AASS: variants seen among roughly 807,000 people sequenced by gnomAD.
The protein encoded by AASS is alpha-aminoadipic semialdehyde synthase, mitochondrial.
Under a neutral mutation model 105.4 loss-of-function variants are expected in AASS, and 86 were observed. The ratio of observed to expected loss-of-function variants is 0.82; its 90% confidence interval spans 0.69 to 0.98. The LOEUF (loss-of-function observed/expected upper bound fraction) is 0.98. AASS is among the 50% of genes least tolerant of loss of function. AASS has a pLI of 0.00. For synonymous variants in AASS, 381 were observed against 394.8 expected (o/e 0.96, Z 0.41); for missense variants, 1,048 against 1,143.2 (o/e 0.92, Z 1.20).
chr7:122,112,895 G>A (rs1417476359), intron 11 of AASS, among the ~76,000 whole-genome samples: 2 of 152,168 alleles, frequency 1.3e-5, no homozygotes, highest in Admixed American at 6.5e-5. Flanking sequence ...GGAAAGAGAT[G>A]TAATTGTAAT....
In AASS at chr7:122,108,362, C is replaced by T. The variant is rs567327525; in HGVS notation, c.1278+4756G>A. Reference sequence around the variant, plus strand: ...TTGTGATACCAAAATCAGACAAGGACGTAACAAAAAAAGTAAACTTCAGGC... The same window carrying T: ...TTGTGATACCAAAATCAGACAAGGATGTAACAAAAAAAGTAAACTTCAGGC... On this transcript the variant is annotated intron_variant, in intron 11 of 23. Coordinates refer to ENST00000417368, the MANE Select transcript of AASS (RefSeq NM_005763.4). Among the ~76,000 whole-genome samples the T allele has an allele frequency of 9.2e-5, 14 of 151,946 alleles. No homozygotes were observed. The East Asian group carries it at 1.5e-3, about 17-fold the overall frequency.
chr7:122,144,131 G>C (rs925004644), intron 1 of AASS, 30 bp downstream of exon 1: 3 of 152,448 alleles, frequency 2.0e-5, no homozygotes, highest in African/African-American at 7.2e-5. Flanking sequence ...CGTCTGCTCA[G>C]CTCTCCGCGG....
At chr7:122,127,769 C>T (rs554646951) in intron 3 of AASS, among the ~76,000 whole-genome samples, 1 of 152,146 alleles carries the variant, frequency 6.6e-6, no homozygotes, top group African/African-American at 2.4e-5. Context: ...AAGATGTGGA[C>T]CTTAGACTTC....
chr7:122,113,923 C>CAAAAA (rs776611119), intron 9 of AASS, among the ~76,000 whole-genome samples: 3 of 56,208 alleles, frequency 5.3e-5, no homozygotes, highest in African/African-American at 1.9e-4. Flanking sequence ...TTTTAGTCTC[C>CAAAAA]AAAAAAAAAA....
rs1376227413 is a variant in AASS, at chr7:122,075,668, T to G, written c.*821A>C. ...TATTGTGAAAGGGTGTTGAATTTTG[T>G]TAAATACTTTTCCTGTGCCTAATGA... On this transcript the variant is annotated 3_prime_UTR_variant, in exon 24 of 24. Transcript: ENST00000417368. 1 of 152,226 alleles carries G rather than the reference T, an allele frequency of 6.6e-6. No homozygotes were observed. Among genetic ancestry groups the G allele is most frequent in the African/African-American group, 2.4e-5 (1 of 41,464 alleles). 9.4% of individuals were successfully genotyped at this position (152,226 alleles called of 1,614,324 possible). A position where few individuals can be genotyped will look rare whatever the true frequency, so the allele number is the denominator to read the frequency against.
intron 20 of AASS, 142 bp from the exon 21 acceptor site, chr7:122,079,854 AACACATACAC>A (rs377713137): frequency 4.0e-5 from 27 of 679,352 alleles, no homozygotes; most frequent in Middle Eastern, 4.0e-4. Context: ...AGGAAATTGT[AACACATACAC>A]ACACATACAC....
Position 122,077,739 on chromosome 7 carries a change from T to A in AASS, c.2662+99A>T, listed in dbSNP as rs1001709486. ...TCTAAGATGGTTCACTTTTAGTAAA[T>A]GCCTGTGTTACGCTCAAGAGCAATT... On this transcript the variant is annotated intron_variant, in intron 23 of 23. Coordinates refer to ENST00000417368, the MANE Select transcript of AASS (RefSeq NM_005763.4). 4.8e-6 allele frequency: 7 copies of A among 1,446,818 alleles called. No individual in the cohort carries two copies. In the African/African-American group the frequency reaches 5.6e-5, roughly 12 times the overall value. The allele number at this position is 1,446,818 out of a possible 1,614,324, so 89.6% of individuals were successfully genotyped here.
At chr7:122,098,363 A>C (rs952789313) in intron 15 of AASS, 87 bp downstream of exon 15, 2 of 1,502,052 alleles carry the variant, frequency 1.3e-6, no homozygotes, top group Non-Finnish European at 1.8e-6. Context: ...CCAAAGGAGT[A>C]TGAAGAGAGG....
chr7:122,125,737 C>A (rs767225763), intron 4 of AASS, among the ~76,000 whole-genome samples: 3 of 152,136 alleles, frequency 2.0e-5, no homozygotes, highest in African/African-American at 7.2e-5. Context: ...ATAAGCCTGC[C>A]GGGGCAAATA....
chr7:122,111,302 T>G (rs189068341), intron 11 of AASS, among the ~76,000 whole-genome samples: 192 of 152,276 alleles, frequency 1.3e-3, no homozygotes, highest in Admixed American at 2.4e-3. Flanking sequence ...ATGGAAATTC[T>G]AGAACTGAAA....
chr7:122,103,080 G>A (rs972222248), intron 11 of AASS, among the ~76,000 whole-genome samples: 2 of 151,992 alleles, frequency 1.3e-5, no homozygotes, highest in African/African-American at 4.8e-5. Flanking sequence ...AAAATAACAT[G>A]TTTCAAGCCT....
chr7:122,112,163 A>G (rs1301384783), intron 11 of AASS, among the ~76,000 whole-genome samples: 10 of 152,224 alleles, frequency 6.6e-5, no homozygotes, highest in African/African-American at 2.4e-4. Context: ...TTGTTTTATA[A>G]TGGATTTAAT....
At chr7:122,094,716 C>G (rs539842847) in intron 15 of AASS, among the ~76,000 whole-genome samples, 2 of 152,152 alleles carry the variant, frequency 1.3e-5, no homozygotes, top group South Asian at 2.1e-4. Flanking sequence ...GTTGAAAACC[C>G]AATCAAAGTT....
intron 9 of AASS, among the ~76,000 whole-genome samples, chr7:122,114,067 C>A (rs1203349644): frequency 1.3e-5 from 2 of 152,156 alleles, no homozygotes; most frequent in Non-Finnish European, 2.9e-5. Context: ...ATGCTACCTC[C>A]ACCCTGCTTA....
chr7:122,118,040 T>C (rs1359117175), intron 6 of AASS, among the ~76,000 whole-genome samples: 1 of 152,138 alleles, frequency 6.6e-6, no homozygotes, highest in African/African-American at 2.4e-5. Context: ...AAAAGCTATA[T>C]GTGTGTATGT....
intron 18 of AASS, among the ~76,000 whole-genome samples, chr7:122,088,037 T>C (rs1344438113): frequency 6.6e-6 from 1 of 152,186 alleles, no homozygotes; most frequent in African/African-American, 2.4e-5. Flanking sequence ...TAGTGGTATA[T>C]AATGTAGTTC....
chr7:122,108,027 A>C (rs1794751209), intron 11 of AASS, among the ~76,000 whole-genome samples: 1 of 151,942 alleles, frequency 6.6e-6, no homozygotes, highest in Non-Finnish European at 1.5e-5. Flanking sequence ...ATCATAAGAG[A>C]GCATTATGAA....
chr7:122,103,807 T>C (rs914573141), intron 11 of AASS, among the ~76,000 whole-genome samples: 3 of 151,170 alleles, frequency 2.0e-5, no homozygotes, highest in Non-Finnish European at 4.4e-5. Flanking sequence ...ATATATACTA[T>C]ACACACACAC....
chr7:122,107,854 T>C (rs766313669), intron 11 of AASS, among the ~76,000 whole-genome samples: 1 of 149,664 alleles, frequency 6.7e-6, no homozygotes, highest in African/African-American at 2.5e-5. Flanking sequence ...AGTTTACCTA[T>C]AGAACAAACC....
Sources: allele counts gnomAD v4.1 joint callset (sites outside exome capture counted in the v4.1 genomes callset), GRCh38; gene constraint gnomAD v4.1.1; transcripts MANE v1.5; gene names NCBI Gene and HGNC (gene_info 2026-07-23, HGNC 2026-07-21).